FOXP2: variants seen among roughly 807,000 people sequenced by gnomAD.
The protein encoded by FOXP2 is forkhead box P2, also known as forkhead box protein P2.
Under a neutral mutation model 115.8 loss-of-function variants are expected in FOXP2, and 12 were observed. The observed-to-expected ratio is 0.10, with a 90% CI of 0.07 to 0.17. The LOEUF is 0.17. Ranked by LOEUF, FOXP2 falls within the 10% of genes least tolerant of loss-of-function variation. The pLI is 1.00. For missense variants in FOXP2, 629 were observed against 843.5 expected (o/e 0.75, Z 3.15); for synonymous variants, 328 against 297.7 (o/e 1.10, Z -1.05).
At chr7:114,161,408 A>G (rs1015652815), upstream of FOXP2, among the ~76,000 whole-genome samples, 7 of 152,214 alleles carry the variant, frequency 4.6e-5, no homozygotes, top group African/African-American at 1.7e-4. Context: ...TTGCACAAGT[A>G]TCAATTTGTG....
chr7:114,295,959 A>T (rs1796733861), intron 2 of FOXP2, among the ~76,000 whole-genome samples: 1 of 152,198 alleles, frequency 6.6e-6, no homozygotes, highest in Non-Finnish European at 1.5e-5. Context: ...GAACCATTTT[A>T]TTGAAGATAA....
chr7:114,251,870 G>C (rs1795454653), intron 1 of FOXP2, among the ~76,000 whole-genome samples: 1 of 152,138 alleles, frequency 6.6e-6, no homozygotes, highest in Non-Finnish European at 1.5e-5. Flanking sequence ...TCTTGTGCCA[G>C]TTTTCAAAGG....
intron 1 of FOXP2, among the ~76,000 whole-genome samples, chr7:114,287,342 G>T (rs374039005): frequency 6.6e-6 from 1 of 152,004 alleles, no homozygotes; most frequent in South Asian, 2.1e-4. Flanking sequence ...TCCTGGCCAC[G>T]AGTTGGACAA....
At chr7:114,116,844 C>T (rs1791420786) in intron 1 of FOXP2, among the ~76,000 whole-genome samples, 1 of 152,020 alleles carries the variant, frequency 6.6e-6, no homozygotes, top group Non-Finnish European at 1.5e-5. Flanking sequence ...CTTCAGTCTC[C>T]CGCTCTTCAA....
chr7:114,538,290 A>G (rs1240142905), intron 3 of FOXP2: 5 of 1,274,774 alleles, frequency 3.9e-6, no homozygotes, highest in Non-Finnish European at 5.2e-6. Flanking sequence ...TTAGATATGA[A>G]AATTGGTCGC....
intron 1 of FOXP2, among the ~76,000 whole-genome samples, chr7:114,119,949 A>T (rs960992990): frequency 2.0e-5 from 3 of 152,118 alleles, no homozygotes; most frequent in African/African-American, 7.2e-5. Context: ...GGGTAATACT[A>T]ATGCTGCTGA....
intron 10 of FOXP2, chr7:114,656,733 C>A (rs1379061891): frequency 3.9e-5 from 8 of 203,226 alleles, no homozygotes; most frequent in Non-Finnish European, 7.3e-5. Flanking sequence ...TAATGTGCTT[C>A]TTCTGGCTGC....
chr7:114,154,182 G>A (rs1225161532), intron 1 of FOXP2, among the ~76,000 whole-genome samples: 1 of 152,096 alleles, frequency 6.6e-6, no homozygotes, highest in Non-Finnish European at 1.5e-5. Context: ...CTTACTTAAA[G>A]CTGCAAGCAT....
At chr7:114,557,297 C>G (rs1800512542) in intron 3 of FOXP2, among the ~76,000 whole-genome samples, 1 of 152,062 alleles carries the variant, frequency 6.6e-6, no homozygotes, top group Admixed American at 6.6e-5. Flanking sequence ...GATTCTGTAC[C>G]CTGGCATTTG....
intron 1 of FOXP2, among the ~76,000 whole-genome samples, chr7:114,417,794 C>CT (rs1793414026): frequency 2.0e-5 from 3 of 151,558 alleles, no homozygotes; most frequent in Admixed American, 1.3e-4. Flanking sequence ...ACTATGAAAC[C>CT]TTTTTTGGTA....
rs562783894 is a variant in FOXP2, at chr7:114,685,725, T to C, written c.2004-4057T>C. Among the ~76,000 whole-genome samples the C allele has an allele frequency of 5.9e-5, 9 of 152,290 alleles. No individual in the cohort carries two copies. The South Asian group carries it at 1.2e-3, about 21-fold the overall frequency. On this transcript the variant is annotated intron_variant, in intron 16 of 16. Transcript: ENST00000350908. ...CAAAATGTTAGAACAGTTCCAGAAA[T>C]TGTCACCCCAGAATTGGCTTTTCTG...
At chr7:114,390,316 A>G (rs560109084) in intron 2 of FOXP2, among the ~76,000 whole-genome samples, 23 of 152,192 alleles carry the variant, frequency 1.5e-4, no homozygotes, top group Non-Finnish European at 2.8e-4. Flanking sequence ...TGGGTAGTTT[A>G]CTCATTCTAC....
At chr7:114,305,440 A>G (rs12705958) in intron 2 of FOXP2, among the ~76,000 whole-genome samples, 15,553 of 152,212 alleles carry the variant, frequency 0.1, 1,109 homozygotes, top group East Asian at 0.28. Context: ...TTTTACTCAA[A>G]TGCACTGAAA....
intron 1 of FOXP2, among the ~76,000 whole-genome samples, chr7:114,233,885 C>T (rs1794946668): frequency 6.6e-6 from 1 of 152,096 alleles, no homozygotes; most frequent in Non-Finnish European, 1.5e-5. Flanking sequence ...TGGTGGTGCA[C>T]ACCTGTAATC....
chr7:114,090,460 G>C (rs1799519819), intron 1 of FOXP2, among the ~76,000 whole-genome samples: 1 of 151,602 alleles, frequency 6.6e-6, no homozygotes, highest in Non-Finnish European at 1.5e-5. Context: ...CTTAAAATTG[G>C]CCTAATGAGA....
At chr7:114,548,523 C>G (rs1480054039) in intron 3 of FOXP2, among the ~76,000 whole-genome samples, 2 of 152,142 alleles carry the variant, frequency 1.3e-5, no homozygotes, top group Non-Finnish European at 2.9e-5. Flanking sequence ...ACTTGAAATA[C>G]TTTAGTGAAA....
intron 2 of FOXP2, among the ~76,000 whole-genome samples, chr7:114,403,430 C>T (rs561393792): frequency 4.8e-4 from 73 of 152,290 alleles, no homozygotes; most frequent in African/African-American, 8.2e-4. Context: ...CTAATGTACA[C>T]GAGGTTTAAT....
At chr7:114,546,337 AC>A (rs1799922258) in intron 3 of FOXP2, among the ~76,000 whole-genome samples, 1 of 152,118 alleles carries the variant, frequency 6.6e-6, no homozygotes, top group South Asian at 2.1e-4. Flanking sequence ...CTGTTCTTCA[AC>A]CCCAGCATGT....
In FOXP2 at chr7:114,593,795, T is replaced by G. The variant is rs1239100178; in HGVS notation, c.259-34745T>G. On this transcript the variant is annotated intron_variant, in intron 3 of 16. Transcript: ENST00000350908. ...AACTTAACTGTCAAATGTACTAGGT[T>G]GAATAAAGCAGTTTATATTGCAAAT... is the stretch of plus-strand genomic sequence containing the variant. 3.3e-5 allele frequency among the ~76,000 whole-genome samples: 5 copies of G among 152,042 alleles called. No homozygotes were observed. In the East Asian group the frequency reaches 7.7e-4, roughly 23 times the overall value.
Sources: gnomAD v4.1 joint callset for allele counts (sites outside exome capture counted in the v4.1 genomes callset) on GRCh38, gnomAD v4.1.1 for gene constraint, MANE v1.5 for transcripts, NCBI Gene and HGNC (gene_info 2026-07-23, HGNC 2026-07-21) for gene names.